The following CCNB3 variants were observed in gnomAD, a reference collection of about 807,000 sequenced individuals.
CCNB3 encodes G2/mitotic-specific cyclin-B3.
Under a neutral mutation model 68.0 loss-of-function variants are expected in CCNB3, and 12 were observed. That is an observed-to-expected ratio of 0.18 (90% CI 0.11 to 0.29). The LOEUF is 0.29. Among genes scored for constraint, CCNB3 ranks in the 10% least tolerant of loss-of-function variants. The pLI, the probability that CCNB3 is intolerant of heterozygous loss-of-function variation, is 1.00. For missense variants in CCNB3, 904 were observed against 993.1 expected, an observed-to-expected ratio of 0.91 and a Z score of 1.21; for synonymous variants, 354 against 388.9, an observed-to-expected ratio of 0.91 and a Z score of 1.06.
chrX:50,279,314 AAT>A (rs1936030300), intron 1 of CCNB3, among the ~76,000 whole-genome samples: 1 of 72,313 alleles, frequency 1.4e-5, no homozygotes, highest in African/African-American at 6.3e-5. Context: ...ATTTATATTT[AAT>A]ATATATTTAA....
In CCNB3 at chrX:50,309,821, A is replaced by G; in HGVS notation, c.1652A>G (p.Asp551Gly). ...ATGTCCATCTGTCCAGAACTGTTGGACTTTCAGGATATGATTGGTGAAGAT... is the reference window on the plus strand; with the variant it reads ...ATGTCCATCTGTCCAGAACTGTTGGGCTTTCAGGATATGATTGGTGAAGAT... ...EMMSICPELLDFQDMIGEDKN... is the reference protein window; with the variant it reads ...EMMSICPELLGFQDMIGEDKN... The change falls in exon 6 of 13, where the codon GAC becomes GGC. Residue 551 changes from aspartate (D) to glycine (G), a missense_variant. Transcript: ENST00000376042. The G allele has an allele frequency of 1.7e-6, 2 of 1,209,163 alleles. No homozygotes were observed. Among genetic ancestry groups the G allele is most frequent in the Non-Finnish European group, 2.2e-6 (2 of 893,152 alleles).
intron 8 of CCNB3, among the ~76,000 whole-genome samples, chrX:50,330,176 G>A (rs1293826925): frequency 1.8e-5 from 2 of 111,755 alleles, no homozygotes; most frequent in East Asian, 2.8e-4. Context: ...TGAGAGGGTC[G>A]TGATCGATTG....
intron 1 of CCNB3, among the ~76,000 whole-genome samples, chrX:50,205,240 G>A (rs782233456): frequency 8.9e-6 from 1 of 111,934 alleles, no homozygotes; most frequent in African/African-American, 3.2e-5. Flanking sequence ...TCAGGAATTC[G>A]AGACCAGCTT....
intron 1 of CCNB3, among the ~76,000 whole-genome samples, chrX:50,279,413 T>C (rs1231917743): frequency 1.4e-5 from 1 of 71,339 alleles, no homozygotes; most frequent in Non-Finnish European, 2.5e-5. Context: ...TAGAAATATA[T>C]AAATATATAA....
chrX:50,346,709 C>T lies in CCNB3; in HGVS notation c.3712C>T (p.Arg1238Ter). 2 of 1,210,333 alleles carry T rather than the reference C, an allele frequency of 1.7e-6. No homozygotes were observed. The highest frequency in any genetic ancestry group is 2.2e-6 in the Non-Finnish European group (2 of 894,284). ...GTACATCTGTGATGATAATTATCAG[C>T]GATCTGAGGTACTCAGCATGGAAAT... The part of the protein sequence containing the change: ...FVYICDDNYQ[R>*]SEVLSMEINI... Residue 1238 changes from arginine (R) to a stop codon, truncating the protein, a stop_gained, in exon 10 of 13, where the codon CGA becomes TGA. Transcript: ENST00000376042. LOFTEE classifies it high-confidence loss of function.
rs1038883083 is a variant in CCNB3 at position 50,311,553 on chromosome X, T to G, written c.3327+57T>G. ...AAATTGTTCTTTGATATCCTGGAGG[T>G]GGCTGCTAGCAAAGTTGTTTTTTTT... On this transcript the variant is annotated intron_variant, in intron 6 of 12. Coordinates refer to ENST00000376042, the MANE Select transcript of CCNB3 (RefSeq NM_033031.3). 28 of 877,129 alleles carry G rather than the reference T, an allele frequency of 3.2e-5. No homozygotes were observed. The Admixed American group carries it at 7.0e-4, about 22-fold the overall frequency. The allele number at this position is 877,129 out of a possible 1,213,427, so 72.3% of individuals were successfully genotyped here.
At chrX:50,345,662 G>C (rs1189747326) in intron 9 of CCNB3, among the ~76,000 whole-genome samples, 1 of 111,647 alleles carries the variant, frequency 9.0e-6, no homozygotes, top group Non-Finnish European at 1.9e-5. Flanking sequence ...TGGAGGAGGG[G>C]TGTCTTCCTC....
chrX:50,342,258 C>T lies in CCNB3; in HGVS notation c.3573C>T (p.Leu1191=). The T allele has an allele frequency of 8.3e-7, 1 of 1,209,916 alleles. No individual in the cohort carries two copies. The highest frequency in any genetic ancestry group is 1.1e-6 in the Non-Finnish European group (1 of 894,341). ...TLYLAVKLVD[L]YLMKAVCKKD... ...ACTTGGCAGTGAAGCTGGTGGATCT[C>T]TACCTAATGAAGGCAGTATGCAAGA... Residue 1191 remains leucine (L), a synonymous_variant, in exon 9 of 13, where the codon CTC becomes CTT. Transcript: ENST00000376042.
At chrX:50,215,008 G>T in intron 1 of CCNB3, among the ~76,000 whole-genome samples, 1 of 109,475 alleles carries the variant, frequency 9.1e-6, no homozygotes. Context: ...TATTTATTTT[G>T]AGATGCAGTC....
chrX:50,337,280 G>GAT (rs375207761), intron 8 of CCNB3, among the ~76,000 whole-genome samples: 3 of 110,688 alleles, frequency 2.7e-5, no homozygotes, highest in African/African-American at 9.9e-5. Context: ...CGATAAGGAG[G>GAT]AGGCACTGCT....
intron 3 of CCNB3, among the ~76,000 whole-genome samples, chrX:50,288,508 T>C (rs1430881725): frequency 9.0e-6 from 1 of 111,376 alleles, no homozygotes; most frequent in Non-Finnish European, 1.9e-5. Context: ...TGAGCTTTAC[T>C]GAGCTACACT....
intron 1 of CCNB3, among the ~76,000 whole-genome samples, chrX:50,279,208 G>C (rs1352330345): frequency 5.2e-4 from 1 of 1,937 alleles, no homozygotes; most frequent in East Asian, 0.083. Context: ...TAAATATATA[G>C]AGTATATATA....
chrX:50,293,353 GTCTC>G lies in CCNB3; in HGVS notation c.205-1503_205-1500del, dbSNP rs781852728. 4.6e-5 allele frequency among the ~76,000 whole-genome samples: 5 copies of G among 109,175 alleles called. No individual in the cohort carries two copies. In the East Asian group the frequency reaches 1.5e-3, roughly 32 times the overall value. The allele number at this position is 109,175 out of a possible 115,157, so 94.8% of individuals were successfully genotyped here. ...TTGATTTTTTTTAAGGTTTTTTTGT[GTCTC>G]TCTCTCCTTCACTTCCACTCAAATT... is the stretch of plus-strand genomic sequence containing the variant. On this transcript the variant is annotated intron_variant, in intron 4 of 12. Coordinates refer to ENST00000376042, the MANE Select transcript of CCNB3 (RefSeq NM_033031.3).
chrX:50,227,264 T>C (rs1297910057), intron 1 of CCNB3, among the ~76,000 whole-genome samples: 2 of 83,658 alleles, frequency 2.4e-5, no homozygotes, highest in East Asian at 6.8e-4. Context: ...TATATAAATA[T>C]ATATACAGAA....
At chrX:50,307,316 A>G (rs996588683) in intron 5 of CCNB3, among the ~76,000 whole-genome samples, 23 of 111,512 alleles carry the variant, frequency 2.1e-4, no homozygotes, top group Non-Finnish European at 3.6e-4. Context: ...TGAAGGAGAT[A>G]TTATGATCCT....
At chrX:50,332,785 G>C (rs1434209892) in intron 8 of CCNB3, among the ~76,000 whole-genome samples, 2 of 111,710 alleles carry the variant, frequency 1.8e-5, no homozygotes, top group Non-Finnish European at 1.9e-5. Context: ...CACCTGGAGA[G>C]AAAGGGTGAA....
Position 50,323,417 on chromosome X carries a change from T to C in CCNB3, c.3516+9469T>C, listed in dbSNP as rs1263381328. ...GAACATCACACACTGGGGCCTGTTG[T>C]GGGGTAGGGGGAGGGGGGAGGGATA... On this transcript the variant is annotated intron_variant, in intron 8 of 12. Coordinates refer to ENST00000376042, the MANE Select transcript of CCNB3 (RefSeq NM_033031.3). Among the ~76,000 whole-genome samples the C allele has an allele frequency of 1.7e-4, 5 of 30,058 alleles. No individual in the cohort carries two copies. The Admixed American group carries it at 2.5e-3, about 15-fold the overall frequency. 26.1% of individuals were successfully genotyped at this position (30,058 alleles called of 115,157 possible).
At chrX:50,321,516 C>T (rs1002945851) in intron 8 of CCNB3, among the ~76,000 whole-genome samples, 32 of 111,292 alleles carry the variant, frequency 2.9e-4, no homozygotes, top group Admixed American at 4.8e-4. Flanking sequence ...ATTCTAACAC[C>T]ATTTATTTTC....
chrX:50,297,152 T>C (rs2147039666), intron 5 of CCNB3, among the ~76,000 whole-genome samples: 1 of 111,934 alleles, frequency 8.9e-6, no homozygotes, highest in Admixed American at 9.5e-5. Flanking sequence ...CATTTGTCAA[T>C]TTTGGCTTCT....
Sources: gnomAD v4.1 joint callset for allele counts (sites outside exome capture counted in the v4.1 genomes callset) on GRCh38, gnomAD v4.1.1 for gene constraint, MANE v1.5 for transcripts, NCBI Gene and HGNC (gene_info 2026-07-23, HGNC 2026-07-21) for gene names.